The following SGCZ variants were observed in gnomAD, a reference collection of about 807,000 sequenced individuals.
SGCZ encodes zeta-sarcoglycan.
In SGCZ, 40 loss-of-function variants were observed where a neutral mutation model predicts 41.3. The observed-to-expected ratio is 0.97, with a 90% CI of 0.75 to 1.26. SGCZ has a LOEUF of 1.26. SGCZ is among the 50% of genes most tolerant of loss of function. The probability of loss-of-function intolerance (pLI) is 0.00; values close to 1 mark genes in which losing one functional copy is unlikely to be tolerated. For synonymous variants in SGCZ, 206 were observed against 137.5 expected, an observed-to-expected ratio of 1.50 and a Z score of -3.49; for missense variants, 552 against 369.8, an observed-to-expected ratio of 1.49 and a Z score of -4.04.
chr8:14,950,535 C>A (rs1467717387), intron 1 of SGCZ, among the ~76,000 whole-genome samples: 1 of 152,010 alleles, frequency 6.6e-6, no homozygotes, highest in East Asian at 1.9e-4. Flanking sequence ...ATAACATGTT[C>A]TTTAGCAGTA....
At chr8:14,763,513 G>C (rs1010996688) in intron 1 of SGCZ, among the ~76,000 whole-genome samples, 2 of 152,086 alleles carry the variant, frequency 1.3e-5, no homozygotes, top group South Asian at 2.1e-4. Context: ...TTAGCTCTTT[G>C]AGTATCTGCA....
chr8:14,803,444 TC>T (rs1458186456), intron 1 of SGCZ, among the ~76,000 whole-genome samples: 32 of 152,224 alleles, frequency 2.1e-4, no homozygotes, highest in African/African-American at 7.2e-4. Context: ...GAGTTCCCTT[TC>T]CTAGTCAAAG....
chr8:14,491,281 C>CCACA (rs143056495), intron 2 of SGCZ, among the ~76,000 whole-genome samples: 1 of 149,000 alleles, frequency 6.7e-6, no homozygotes, highest in African/African-American at 2.5e-5. Context: ...ACCCACCCAC[C>CCACA]CACACACACA....
chr8:14,403,107 T>C (rs1465698071), intron 2 of SGCZ, among the ~76,000 whole-genome samples: 2 of 150,108 alleles, frequency 1.3e-5, no homozygotes, highest in Admixed American at 1.3e-4. Flanking sequence ...TGTTGGTGTA[T>C]AAGAATGCTT....
intron 1 of SGCZ, among the ~76,000 whole-genome samples, chr8:14,660,323 G>C (rs1807706730): frequency 6.6e-6 from 1 of 151,982 alleles, no homozygotes; most frequent in Non-Finnish European, 1.5e-5. Context: ...CATAATCCTA[G>C]CACTTTGGGA....
chr8:15,226,305 G>A (rs1176903487), intron 1 of SGCZ, among the ~76,000 whole-genome samples: 1 of 152,130 alleles, frequency 6.6e-6, no homozygotes, highest in African/African-American at 2.4e-5. Flanking sequence ...TAAGAAATCT[G>A]ACCAAACTGT....
intron 2 of SGCZ, among the ~76,000 whole-genome samples, chr8:14,438,794 T>C (rs986471909): frequency 1.3e-5 from 2 of 152,000 alleles, no homozygotes; most frequent in Non-Finnish European, 2.9e-5. Context: ...TAGAAAACCA[T>C]GATAATTTTA....
At chr8:14,219,480 G>A (rs996862148) in intron 4 of SGCZ, among the ~76,000 whole-genome samples, 1 of 152,212 alleles carries the variant, frequency 6.6e-6, no homozygotes, top group African/African-American at 2.4e-5. Flanking sequence ...TGGGCACAGT[G>A]GCTCACGCCT....
chr8:15,088,239 C>T (rs562680819), intron 1 of SGCZ, among the ~76,000 whole-genome samples: 34 of 152,264 alleles, frequency 2.2e-4, no homozygotes, highest in Non-Finnish European at 3.2e-4. Flanking sequence ...CATTTACACA[C>T]GCAGTAAGCG....
chr8:14,137,170 G>C (rs923786421), intron 5 of SGCZ, among the ~76,000 whole-genome samples: 1 of 152,136 alleles, frequency 6.6e-6, no homozygotes, highest in African/African-American at 2.4e-5. Context: ...TCATCTATTG[G>C]TCACCATCAT....
intron 1 of SGCZ, among the ~76,000 whole-genome samples, chr8:14,704,646 A>G (rs1408348695): frequency 1.3e-5 from 2 of 151,972 alleles, no homozygotes; most frequent in Non-Finnish European, 2.9e-5. Context: ...TTAAAAGGAA[A>G]GCAAGTCTGC....
chr8:15,172,832 T>C (rs1799884856), intron 1 of SGCZ, among the ~76,000 whole-genome samples: 1 of 152,224 alleles, frequency 6.6e-6, no homozygotes, highest in African/African-American at 2.4e-5. Context: ...AGATTTTACC[T>C]GAATTCTTCA....
intron 1 of SGCZ, among the ~76,000 whole-genome samples, chr8:14,744,992 A>T (rs527937905): frequency 3.0e-4 from 45 of 152,218 alleles, no homozygotes; most frequent in African/African-American, 1.1e-3. Flanking sequence ...CATCATTATG[A>T]CCCTAACACT....
At chr8:14,538,927 G>A (rs368624542) in intron 2 of SGCZ, among the ~76,000 whole-genome samples, 3 of 151,878 alleles carry the variant, frequency 2.0e-5, no homozygotes, top group East Asian at 1.9e-4. Context: ...TTTAAATTAC[G>A]TGATGGTTAA....
At chr8:14,310,147 T>C (rs1000143242) in intron 3 of SGCZ, among the ~76,000 whole-genome samples, 14 of 152,192 alleles carry the variant, frequency 9.2e-5, no homozygotes, top group Admixed American at 6.6e-4. Context: ...TTTTACAGCA[T>C]TGTCTTTGCT....
intron 1 of SGCZ, among the ~76,000 whole-genome samples, chr8:14,751,191 T>C (rs1218721932): frequency 6.6e-6 from 1 of 152,172 alleles, no homozygotes; most frequent in Non-Finnish European, 1.5e-5. Flanking sequence ...AGGAATATAG[T>C]TCGTAAGCAC....
chr8:14,479,347 G>C (rs1801455755), intron 2 of SGCZ, among the ~76,000 whole-genome samples: 1 of 152,282 alleles, frequency 6.6e-6, no homozygotes, highest in Non-Finnish European at 1.5e-5. Context: ...GACTCAGCGA[G>C]TCTCGTATTT....
At chr8:15,045,330 T>C (rs1373013057) in intron 1 of SGCZ, among the ~76,000 whole-genome samples, 5 of 152,064 alleles carry the variant, frequency 3.3e-5, no homozygotes, top group Admixed American at 2.0e-4. Context: ...GGATTCAGGA[T>C]GAATAAAAAT....
intron 1 of SGCZ, among the ~76,000 whole-genome samples, chr8:15,048,511 C>T (rs1259452485): frequency 6.6e-6 from 1 of 151,970 alleles, no homozygotes; most frequent in Non-Finnish European, 1.5e-5. Context: ...AGAAATGATA[C>T]ATGTTTGAGG....
Sources: gnomAD v4.1 joint callset for allele counts (sites outside exome capture counted in the v4.1 genomes callset) on GRCh38, gnomAD v4.1.1 for gene constraint, MANE v1.5 for transcripts, NCBI Gene and HGNC (gene_info 2026-07-23, HGNC 2026-07-21) for gene names.